MGAT4C: variants seen among roughly 807,000 people sequenced by gnomAD.
MGAT4C encodes the protein MGAT4 family member C.
Under a neutral mutation model 40.1 loss-of-function variants are expected in MGAT4C, and 19 were observed. The ratio of observed to expected loss-of-function variants is 0.47; its 90% CI spans 0.33 to 0.70. The LOEUF is 0.70. MGAT4C is among the 30% of genes least tolerant of loss of function. The pLI, the probability that MGAT4C is intolerant of heterozygous loss-of-function variation, is 0.02. For missense variants in MGAT4C, 491 were observed against 563.2 expected, an observed-to-expected ratio of 0.87 and a Z score of 1.30; for synonymous variants, 181 against 187.1, an observed-to-expected ratio of 0.97 and a Z score of 0.27.
chr12:86,295,299 T>G (rs1953635564), intron 4 of MGAT4C, among the ~76,000 whole-genome samples: 1 of 152,150 alleles, frequency 6.6e-6, no homozygotes, highest in Admixed American at 6.5e-5. Flanking sequence ...TTTGCACTAT[T>G]TGATAAAAGT....
At chr12:86,134,589 AAACCAGTAATAGTCCTG>A (rs1881692733) in intron 1 of MGAT4C, among the ~76,000 whole-genome samples, 1 of 152,112 alleles carries the variant, frequency 6.6e-6, no homozygotes, top group Non-Finnish European at 1.5e-5. Context: ...CTCACTAATG[AAACCAGTAATAGTCCTG>A]AACCCCATGC....
intron 3 of MGAT4C, among the ~76,000 whole-genome samples, chr12:86,369,634 T>C (rs1016685294): frequency 1.3e-5 from 2 of 152,054 alleles, no homozygotes; most frequent in Admixed American, 6.5e-5. Context: ...CACTATGCTA[T>C]TGAGGTCAGA....
At chr12:86,136,121 A>G (rs929966612) in intron 1 of MGAT4C, among the ~76,000 whole-genome samples, 1 of 152,226 alleles carries the variant, frequency 6.6e-6, no homozygotes, top group African/African-American at 2.4e-5. Flanking sequence ...TGTTTAAAAC[A>G]TCAATAAATA....
intron 2 of MGAT4C, among the ~76,000 whole-genome samples, chr12:85,991,333 G>C (rs1885909093): frequency 1.3e-5 from 2 of 152,092 alleles, no homozygotes; most frequent in African/African-American, 4.8e-5. Flanking sequence ...CATGCCAACT[G>C]ATCCATGGAC....
chr12:86,267,202 A>G (rs540209827), intron 4 of MGAT4C, among the ~76,000 whole-genome samples: 79 of 151,498 alleles, frequency 5.2e-4, no homozygotes, highest in Admixed American at 9.2e-4. Flanking sequence ...TTAATTTGTA[A>G]TCTTTCTACT....
At chr12:86,612,877 GCT>G (rs1300041240) in intron 2 of MGAT4C, among the ~76,000 whole-genome samples, 1 of 151,448 alleles carries the variant, frequency 6.6e-6, no homozygotes, top group Non-Finnish European at 1.5e-5. Context: ...ATTGTAAAAA[GCT>G]CTCATGTAAC....
Position 85,969,723 on chromosome 12 carries a change from A to T in MGAT4C, c.*9566T>A, listed in dbSNP as rs115430380. ...TATTATTATAGTTAGGAGGCAATGT[A>T]TAATAGTGATAAGGGGCATAGATTT... On this transcript the variant is annotated 3_prime_UTR_variant, in exon 5 of 5. Transcript: ENST00000611864. 3.0e-3 allele frequency: 459 copies of T among 151,734 alleles called. 3 individuals carry two copies. The highest frequency in any genetic ancestry group is 0.01 in the African/African-American group (428 of 41,534). The allele number at this position is 151,734 out of a possible 1,614,324, so 9.4% of individuals were successfully genotyped here.
At chr12:86,494,705 AT>A (rs1958207479) in intron 2 of MGAT4C, among the ~76,000 whole-genome samples, 1 of 151,954 alleles carries the variant, frequency 6.6e-6, no homozygotes, top group South Asian at 2.1e-4. Flanking sequence ...TTAACATAAA[AT>A]TTTAGTTTCA....
chr12:86,135,139 T>C (rs1337833369), intron 1 of MGAT4C, among the ~76,000 whole-genome samples: 1 of 152,118 alleles, frequency 6.6e-6, no homozygotes. Flanking sequence ...GTTAAAAGAA[T>C]CATAAATAGA....
chr12:86,447,250 C>T lies in MGAT4C; in HGVS notation c.-228-11985G>A, dbSNP rs372318383. 2.0e-3 allele frequency among the ~76,000 whole-genome samples: 303 copies of T among 152,170 alleles called. 4 individuals are homozygous for T. The highest frequency in any genetic ancestry group is 4.8e-3 in the African/African-American group (198 of 41,524). ...CAGCAATTCTCCTGCCTCAGCCTCC[C>T]GAGTAGCTGGGATTACAGGCATGTG... is the stretch of plus-strand genomic sequence containing the variant. On this transcript the variant is annotated intron_variant, in intron 2 of 7. Transcript: ENST00000548651.
intron 2 of MGAT4C, among the ~76,000 whole-genome samples, chr12:86,688,437 G>T (rs1236519646): frequency 1.3e-5 from 2 of 152,054 alleles, no homozygotes; most frequent in Non-Finnish European, 2.9e-5. Context: ...CTTCTTCATA[G>T]TGTTGATGGT....
chr12:86,197,821 C>T (rs1485266096), intron 1 of MGAT4C, among the ~76,000 whole-genome samples: 1 of 152,172 alleles, frequency 6.6e-6, no homozygotes, highest in Admixed American at 6.5e-5. Context: ...ACAGGCAAGA[C>T]ATCTGCCTCT....
At position 86,236,955 on chromosome 12, in the gene MGAT4C, C is replaced by T. The variant is rs149494684; in HGVS notation, c.-57+19284G>A. 3.2e-3 allele frequency among the ~76,000 whole-genome samples: 479 copies of T among 151,038 alleles called. 2 individuals carry two copies. Among genetic ancestry groups the T allele is most frequent in the African/African-American group, 0.011 (446 of 41,294 alleles). Reference sequence around the variant, plus strand: ...TTTATCTTGAACAAGAAAAATGTATCGTATGTCCCGTTAGCTCAGCCTTTA... The same window carrying T: ...TTTATCTTGAACAAGAAAAATGTATTGTATGTCCCGTTAGCTCAGCCTTTA... On this transcript the variant is annotated intron_variant, in intron 1 of 4. Coordinates refer to ENST00000611864, the MANE Select transcript of MGAT4C (RefSeq NM_001351288.2).
At chr12:86,676,068 T>C (rs1203946285) in intron 2 of MGAT4C, among the ~76,000 whole-genome samples, 5 of 151,636 alleles carry the variant, frequency 3.3e-5, no homozygotes, top group Non-Finnish European at 7.4e-5. Flanking sequence ...TAGAGACATA[T>C]GTAAATTCAT....
At chr12:86,400,531 G>A (rs1565733958) in intron 3 of MGAT4C, among the ~76,000 whole-genome samples, 2 of 152,088 alleles carry the variant, frequency 1.3e-5, no homozygotes, top group Admixed American at 6.6e-5. Flanking sequence ...TTTAGACCAA[G>A]CAAATCACAC....
chr12:86,325,462 CA>C (rs1954504287), intron 4 of MGAT4C, among the ~76,000 whole-genome samples: 1 of 152,152 alleles, frequency 6.6e-6, no homozygotes, highest in Non-Finnish European at 1.5e-5. Context: ...ATTTTGCAAT[CA>C]AAAAGGATTA....
intron 1 of MGAT4C, among the ~76,000 whole-genome samples, chr12:86,188,313 G>T (rs962032157): frequency 6.6e-6 from 1 of 151,972 alleles, no homozygotes; most frequent in African/African-American, 2.4e-5. Context: ...GGATACAAAA[G>T]AAATTCTTTG....
At chr12:86,793,457 G>A (rs1947203053) in intron 1 of MGAT4C, among the ~76,000 whole-genome samples, 1 of 151,766 alleles carries the variant, frequency 6.6e-6, no homozygotes, top group Admixed American at 6.6e-5. Flanking sequence ...TTTTCACTTT[G>A]TTTATATTTA....
intron 3 of MGAT4C, among the ~76,000 whole-genome samples, chr12:86,421,725 C>T (rs571656237): frequency 2.0e-4 from 31 of 152,142 alleles, no homozygotes; most frequent in Non-Finnish European, 4.0e-4. Context: ...TGCAGTGAGC[C>T]GAGATTGCGC....
Sources: allele counts gnomAD v4.1 joint callset (sites outside exome capture counted in the v4.1 genomes callset), GRCh38; gene constraint gnomAD v4.1.1; transcripts MANE v1.5; gene names NCBI Gene and HGNC (gene_info 2026-07-23, HGNC 2026-07-21).